The following SMC2 variants were observed in gnomAD, a reference collection of about 807,000 sequenced individuals.
SMC2 encodes structural maintenance of chromosomes 2, also known as structural maintenance of chromosomes protein 2.
Under a neutral mutation model 142.6 loss-of-function variants are expected in SMC2, and 41 were observed. The observed-to-expected ratio is 0.29, with a 90% CI of 0.22 to 0.37. The LOEUF is 0.37. Ranked by LOEUF, SMC2 falls within the 10% of genes least tolerant of loss-of-function variation. SMC2 has a pLI of 1.00. For synonymous variants in SMC2, 463 were observed against 457.5 expected (o/e 1.01, Z -0.15); for missense variants, 1,265 against 1,373.7 (o/e 0.92, Z 1.25).
rs773990098 is a variant in SMC2 at position 104,111,820 on chromosome 9, T to C, written c.1254+6T>C. The C allele has an allele frequency of 1.3e-6, 2 of 1,594,938 alleles. No homozygotes were observed. The highest frequency in any genetic ancestry group is 1.7e-6 in the Non-Finnish European group (2 of 1,165,620). On this transcript the variant is annotated splice_donor_region_variant and intron_variant, in intron 10 of 24. Coordinates refer to ENST00000374793, the MANE Select transcript of SMC2 (RefSeq NM_006444.3). ...CTCAGACAGAAGCCAAACAGGTAAA[T>C]AGAGACATTAGCACTATGTGATTGC... is the stretch of plus-strand genomic sequence containing the variant.
intron 24 of SMC2, among the ~76,000 whole-genome samples, chr9:104,138,755 G>A (rs765443046): frequency 6.6e-6 from 1 of 152,106 alleles, no homozygotes; most frequent in South Asian, 2.1e-4. Flanking sequence ...TGAATGGGGC[G>A]GCGGGGCAGT....
intron 9 of SMC2, 22 bp from the exon 10 acceptor site, chr9:104,111,559 C>A: frequency 6.6e-7 from 1 of 1,514,310 alleles, no homozygotes; most frequent in South Asian, 1.2e-5. Context: ...TAATATTTTT[C>A]CATTTGAAAC....
At chr9:104,100,515 A>T in intron 7 of SMC2, 82 bp downstream of exon 7, 1 of 903,386 alleles carries the variant, frequency 1.1e-6, no homozygotes, top group South Asian at 1.5e-5. Flanking sequence ...ACATAGTGAT[A>T]CTATTTCTTG....
chr9:104,131,451 T>C (rs1374156560), intron 21 of SMC2, among the ~76,000 whole-genome samples: 1 of 152,106 alleles, frequency 6.6e-6, no homozygotes, highest in African/African-American at 2.4e-5. Flanking sequence ...CAAGCCATCA[T>C]GGCACATGTA....
intron 14 of SMC2, among the ~76,000 whole-genome samples, chr9:104,116,789 A>C (rs1259360371): frequency 6.6e-6 from 1 of 152,228 alleles, no homozygotes; most frequent in African/African-American, 2.4e-5. Flanking sequence ...GGTACATAGC[A>C]GGTGACCAGG....
chr9:104,112,122 T>C (rs1290341541), intron 10 of SMC2, among the ~76,000 whole-genome samples: 1 of 152,236 alleles, frequency 6.6e-6, no homozygotes, highest in Admixed American at 6.5e-5. Context: ...GCATTTATTC[T>C]TGTCTCTTTT....
In SMC2 at chr9:104,100,273, AG is replaced by A. The variant is rs1200283021; in HGVS notation, c.591+73del. The A allele has an allele frequency of 2.8e-6, 4 of 1,404,648 alleles. No individual in the cohort carries two copies. The East Asian group carries it at 9.5e-5, about 33-fold the overall frequency. The allele number at this position is 1,404,648 out of a possible 1,614,324, so 87.0% of individuals were successfully genotyped here. A position where few individuals can be genotyped will look rare whatever the true frequency, so the allele number is the denominator to read the frequency against. ...TGCATGTAGAGTTTTTGCTGTAAAG[AG>A]GGAAAAATTTTTTTCCTTGGTTCAG... On this transcript the variant is annotated intron_variant, in intron 6 of 24. Transcript: ENST00000374793.
At chr9:104,095,132 T>C (rs1286228118) in intron 1 of SMC2, among the ~76,000 whole-genome samples, 192 bp from the exon 2 acceptor site, 1 of 152,220 alleles carries the variant, frequency 6.6e-6, no homozygotes, top group East Asian at 1.9e-4. Flanking sequence ...CCCAGTTGAA[T>C]GGTTTAATTT....
chr9:104,110,346 T>C (rs780792550), intron 9 of SMC2, among the ~76,000 whole-genome samples: 5 of 152,220 alleles, frequency 3.3e-5, no homozygotes, highest in Non-Finnish European at 5.9e-5. Context: ...TATAAACTTA[T>C]CGCATCAATA....
upstream of SMC2, chr9:104,092,270 T>C (rs921148182): frequency 1.3e-5 from 2 of 152,216 alleles, no homozygotes; most frequent in Admixed American, 1.3e-4. Flanking sequence ...AGTAGTTAGA[T>C]CTGCACATTC....
At chr9:104,096,050 A>T (rs770080465) in intron 2 of SMC2, 98 bp from the exon 3 acceptor site, 1 of 1,064,678 alleles carries the variant, frequency 9.4e-7, no homozygotes, top group Non-Finnish European at 1.4e-6. Flanking sequence ...AATGGACACT[A>T]CGTTGGTGGG....
intron 3 of SMC2, among the ~76,000 whole-genome samples, 154 bp from the exon 4 acceptor site, chr9:104,098,292 T>C (rs1830688002): frequency 6.6e-6 from 1 of 152,228 alleles, no homozygotes; most frequent in Non-Finnish European, 1.5e-5. Context: ...GTTAGCGTTT[T>C]TGACCATGTC....
chr9:104,116,074 T>C (rs1247653133), intron 13 of SMC2, 126 bp from the exon 14 acceptor site: 6 of 762,622 alleles, frequency 7.9e-6, no homozygotes, highest in Middle Eastern at 5.0e-4. Context: ...CCATTGCATA[T>C]GTAATTATAA....
At chr9:104,138,296 A>C in intron 24 of SMC2, 131 bp downstream of exon 24, 9 of 669,790 alleles carry the variant, frequency 1.3e-5, no homozygotes, top group Non-Finnish European at 2.0e-5. Flanking sequence ...ATATCTATTT[A>C]AATAGACTTA....
rs764792231 is a variant in SMC2 at position 104,139,246 on chromosome 9, A to C, written c.3525A>C (p.Gln1175His). Residue 1175 changes from glutamine (Q) to histidine (H), a missense_variant, in exon 25 of 25, where the codon CAA becomes CAC. Around this residue, in one of 4 missense-constraint regions of SMC2, gnomAD observed 192 missense variants for 261.9 expected, o/e 0.73. Transcript: ENST00000374793. The part of the protein sequence containing the change: ...VSTVARFTQC[Q>H]NGKISKEAKS... ...CAGTAGCCAGATTTACTCAATGTCA[A>C]AATGGAAAGATTTCAAAGGAAGCAA... The C allele has an allele frequency of 4.4e-6, 7 of 1,601,802 alleles. No individual in the cohort carries two copies. In the East Asian group the frequency reaches 6.8e-5, roughly 16 times the overall value.
At chr9:104,119,895 C>T (rs969035340) in intron 15 of SMC2, 132 bp from the exon 16 acceptor site, 13 of 869,524 alleles carry the variant, frequency 1.5e-5, no homozygotes, top group African/African-American at 5.2e-5. Context: ...GGAATGAATT[C>T]CATGGCTTCA....
upstream of SMC2, chr9:104,094,198 T>C (rs1010689824): frequency 2.5e-6 from 1 of 393,906 alleles, no homozygotes; most frequent in African/African-American, 2.1e-5. Context: ...GCCCTGCGGC[T>C]TTAATCCTTC....
At chr9:104,088,912 A>T in the SMC2 span, among the ~76,000 whole-genome samples, 2 of 152,126 alleles carry the variant, frequency 1.3e-5, no homozygotes, top group Non-Finnish European at 2.9e-5. Flanking sequence ...CCACTGATAC[A>T]TCTATCCACC....
At position 104,109,835 on chromosome 9, in the gene SMC2, T is replaced by C. The variant is rs575199433; in HGVS notation, c.1021-1746T>C. ...TTTTATCATTTACTACCATAAAATATACAAAAATCTATTATAAAAAGTTAA... is the reference window on the plus strand; with the variant it reads ...TTTTATCATTTACTACCATAAAATACACAAAAATCTATTATAAAAAGTTAA... On this transcript the variant is annotated intron_variant, in intron 9 of 24. Transcript: ENST00000374793. Among the ~76,000 whole-genome samples, 34 of 152,240 alleles carry C rather than the reference T, an allele frequency of 2.2e-4. No homozygotes were observed. In the South Asian group the frequency reaches 6.8e-3, roughly 31 times the overall value.
Sources: allele counts gnomAD v4.1 joint callset (sites outside exome capture counted in the v4.1 genomes callset), GRCh38; gene constraint gnomAD v4.1.1; regional missense constraint gnomAD v4.1.1; transcripts MANE v1.5; gene names NCBI Gene and HGNC (gene_info 2026-07-23, HGNC 2026-07-21).